The following CLGN variants were observed in gnomAD, a reference collection of about 807,000 sequenced individuals.
CLGN encodes the protein testis tissue sperm-binding protein Li 79P.
A neutral mutation model predicts 79.1 loss-of-function variants in CLGN; 62 were observed. That is an observed-to-expected ratio of 0.78 (90% CI 0.64 to 0.97). CLGN has a LOEUF of 0.97. CLGN is among the 50% of genes least tolerant of loss of function. The pLI, the probability that CLGN is intolerant of heterozygous loss-of-function variation, is 0.00. For synonymous variants in CLGN, 225 were observed against 224.7 expected (o/e 1.00, Z -0.01); for missense variants, 647 against 715.5 (o/e 0.90, Z 1.09).
At chr4:140,395,320 G>A (rs915753015) in intron 10 of CLGN, among the ~76,000 whole-genome samples, 1 of 151,842 alleles carries the variant, frequency 6.6e-6, no homozygotes, top group Admixed American at 6.6e-5. Flanking sequence ...CTAATTTTTT[G>A]TATTTTTAGT....
chr4:140,414,362 C>T (rs1250262154), intron 1 of CLGN, among the ~76,000 whole-genome samples: 9 of 151,350 alleles, frequency 5.9e-5, no homozygotes, highest in East Asian at 3.9e-4. Context: ...ATGACTTTGA[C>T]GAGCTGAGAG....
At position 140,388,802 on chromosome 4, in the gene CLGN, C is replaced by G. The variant is rs1728721362; in HGVS notation, c.*422G>C. ...CATACAGAAACTTTATTGCATTTAG[C>G]TCTTCACAACAGAACATATGCTCAT... On this transcript the variant is annotated 3_prime_UTR_variant, in exon 15 of 15. Coordinates refer to ENST00000325617, the MANE Select transcript of CLGN (RefSeq NM_004362.3). 1 of 155,902 alleles carries G rather than the reference C, an allele frequency of 6.4e-6. No homozygotes were observed. Among genetic ancestry groups the G allele is most frequent in the African/African-American group, 2.4e-5 (1 of 41,484 alleles). 9.7% of individuals were successfully genotyped at this position (155,902 alleles called of 1,614,324 possible). A position where few individuals can be genotyped will look rare whatever the true frequency, so the allele number is the denominator to read the frequency against.
At chr4:140,427,448 G>A (rs1729592214) in intron 1 of CLGN, 89 bp downstream of exon 1, 1 of 152,356 alleles carries the variant, frequency 6.6e-6, no homozygotes, top group African/African-American at 2.4e-5. Context: ...CGGGGTGCCT[G>A]GGGGAAGCAG....
intron 1 of CLGN, among the ~76,000 whole-genome samples, chr4:140,422,710 G>A (rs886425117): frequency 6.6e-6 from 1 of 152,106 alleles, no homozygotes; most frequent in Non-Finnish European, 1.5e-5. Flanking sequence ...TTGAACTCCT[G>A]GACTCAGGTG....
At chr4:140,409,431 A>G (rs1282134262) in intron 4 of CLGN, among the ~76,000 whole-genome samples, 1 of 152,064 alleles carries the variant, frequency 6.6e-6, no homozygotes, top group East Asian at 1.9e-4. Flanking sequence ...CATATCTTGT[A>G]GCTCTCATTA....
At chr4:140,419,815 A>C (rs1053398497) in intron 1 of CLGN, among the ~76,000 whole-genome samples, 1 of 152,180 alleles carries the variant, frequency 6.6e-6, no homozygotes, top group Non-Finnish European at 1.5e-5. Context: ...GATAGGAAGT[A>C]AATGTAAAGG....
chr4:140,405,972 A>C lies in CLGN; in HGVS notation c.389T>G (p.Phe130Cys). 1.9e-6 allele frequency: 3 copies of C among 1,612,306 alleles called. No homozygotes were observed. Among genetic ancestry groups the C allele is most frequent in the Non-Finnish European group, 2.5e-6 (3 of 1,179,484 alleles). Reference sequence around the variant, plus strand: ...TATCAAGGGTTTATCAGCAAAAATGAATGGTTTTGCTAATACAGCAGATAT... The same window carrying C: ...TATCAAGGGTTTATCAGCAAAAATGCATGGTTTTGCTAATACAGCAGATAT... Reference protein sequence around the residue: ...HAISAVLAKPFIFADKPLIVQ... With the variant: ...HAISAVLAKPCIFADKPLIVQ... Residue 130 changes from phenylalanine to cysteine, a missense_variant, in exon 5 of 15, where the codon TTC becomes TGC. By Grantham distance (205) the Phe-to-Cys change is radical (BLOSUM62 -2). Transcript: ENST00000325617.
At chr4:140,421,397 T>C (rs1399067886) in intron 1 of CLGN, among the ~76,000 whole-genome samples, 3 of 152,140 alleles carry the variant, frequency 2.0e-5, no homozygotes, top group Admixed American at 2.0e-4. Flanking sequence ...GGCTTTACCA[T>C]TTTACCTTCC....
At chr4:140,389,849 A>T (rs1438367182) in intron 14 of CLGN, among the ~76,000 whole-genome samples, 1 of 151,864 alleles carries the variant, frequency 6.6e-6, no homozygotes, top group African/African-American at 2.4e-5. Flanking sequence ...TTAAATAGAT[A>T]AAATACAAAA....
rs1298999042 is a variant in CLGN, at chr4:140,388,456, A to T, written c.*768T>A. The T allele has an allele frequency of 5.9e-5, 9 of 151,912 alleles. No homozygotes were observed. The highest frequency in any genetic ancestry group is 1.0e-4 in the Non-Finnish European group (7 of 67,816). 9.4% of individuals were successfully genotyped at this position (151,912 alleles called of 1,614,324 possible). On this transcript the variant is annotated 3_prime_UTR_variant, in exon 15 of 15. Transcript: ENST00000325617. The stretch of plus-strand genomic sequence containing the variant: ...TAATAACCTGTCAAATAGGGTATTC[A>T]GGATGAAAAAATATTTAAATTTTAT...
intron 2 of CLGN, among the ~76,000 whole-genome samples, chr4:140,412,413 A>T (rs1401619727): frequency 6.6e-6 from 1 of 152,092 alleles, no homozygotes; most frequent in Non-Finnish European, 1.5e-5. Flanking sequence ...AATTTCTCAG[A>T]CTCCTGTTAA....
intron 8 of CLGN, among the ~76,000 whole-genome samples, chr4:140,398,395 G>A (rs1375280764): frequency 2.0e-5 from 3 of 148,568 alleles, no homozygotes; most frequent in East Asian, 4.0e-4. Context: ...TCAGCCTCCC[G>A]AGTAGCTGGG....
intron 6 of CLGN, among the ~76,000 whole-genome samples, chr4:140,401,142 T>C (rs1321674048): frequency 6.6e-6 from 1 of 152,178 alleles, no homozygotes; most frequent in Admixed American, 6.5e-5. Context: ...TGCACCTCCA[T>C]TTCATCACCT....
In CLGN at chr4:140,394,085, C is replaced by T. The variant is rs779869380; in HGVS notation, c.1150-44G>A. ...AAGACATTTTCAAATAAAATAACTT[C>T]ATTATAAATGCTGCTTAATAAGTAG... On this transcript the variant is annotated intron_variant, in intron 10 of 14. Transcript: ENST00000325617. 9 of 1,389,924 alleles carry T rather than the reference C, an allele frequency of 6.5e-6. No homozygotes were observed. In the East Asian group the frequency reaches 1.8e-4, roughly 28 times the overall value. The allele number at this position is 1,389,924 out of a possible 1,614,324, so 86.1% of individuals were successfully genotyped here.
intron 7 of CLGN, 39 bp from the exon 8 acceptor site, chr4:140,399,079 G>T (rs1359129547): frequency 1.3e-6 from 2 of 1,498,476 alleles, no homozygotes; most frequent in Non-Finnish European, 1.8e-6. Flanking sequence ...TTATCATTTT[G>T]ATATACGCTT....
chr4:140,406,052 G>A lies in CLGN; in HGVS notation c.309C>T (p.Asn103=). 1 of 1,612,546 alleles carries A rather than the reference G, an allele frequency of 6.2e-7. No individual in the cohort carries two copies. Among genetic ancestry groups the A allele is most frequent in the Non-Finnish European group, 8.5e-7 (1 of 1,179,452 alleles). The change falls in exon 5 of 15, where the codon AAC becomes AAT. Residue 103 remains asparagine (N), a synonymous_variant. Transcript: ENST00000325617. ...GRWEIEELKE[N]QVPGDRGLVL... ...CCAGTCCTCTGTCACCAGGTACCTG[G>A]TTTTCTTTCAACTCTTCAATTTCCC... is the stretch of plus-strand genomic sequence containing the variant.
At position 140,388,876 on chromosome 4, in the gene CLGN, A is replaced by G. The variant is rs1319546891; in HGVS notation, c.*348T>C. 1.6e-5 allele frequency: 3 copies of G among 192,604 alleles called. No homozygotes were observed. Among genetic ancestry groups the G allele is most frequent in the African/African-American group, 2.3e-5 (1 of 42,726 alleles). 11.9% of individuals were successfully genotyped at this position (192,604 alleles called of 1,614,324 possible). ...TATTGTTGTATAGCCATTTAAGTGG[A>G]AATTCCAATAACTGATTTTTCCAAT... is the stretch of plus-strand genomic sequence containing the variant. On this transcript the variant is annotated 3_prime_UTR_variant, in exon 15 of 15. Coordinates refer to ENST00000325617, the MANE Select transcript of CLGN (RefSeq NM_004362.3).
chr4:140,396,203 T>C lies in CLGN; in HGVS notation c.887A>G (p.Asp296Gly), dbSNP rs756795984. 3 of 1,609,282 alleles carry C rather than the reference T, an allele frequency of 1.9e-6. No individual in the cohort carries two copies. The highest frequency in any genetic ancestry group is 1.3e-5 in the African/African-American group (1 of 74,814). Reference sequence around the variant, plus strand: ...TTCTATTTGGGCAGGTTCACTTTCATCCCTGTAAATACAACGTTTTATATT... The same window carrying C: ...TTCTATTTGGGCAGGTTCACTTTCACCCCTGTAAATACAACGTTTTATATT... ...DPSAVKPEDWDESEPAQIEDS... is the reference protein window; with the variant it reads ...DPSAVKPEDWGESEPAQIEDS... Residue 296 changes from aspartate (D) to glycine (G), a missense_variant and splice_region_variant, in exon 9 of 15, where the codon GAT (aspartate) becomes GGT (glycine). Physicochemically the swap from Asp to Gly is moderately conservative, Grantham distance 94. Coordinates refer to ENST00000325617, the MANE Select transcript of CLGN (RefSeq NM_004362.3).
chr4:140,412,646 C>A (rs1729234807), intron 2 of CLGN, among the ~76,000 whole-genome samples: 1 of 152,036 alleles, frequency 6.6e-6, no homozygotes, highest in Admixed American at 6.6e-5. Context: ...GAATAAAAAC[C>A]TTACTATTAG....
Sources: gnomAD v4.1 joint callset for allele counts (sites outside exome capture counted in the v4.1 genomes callset) on GRCh38, gnomAD v4.1.1 for gene constraint, MANE v1.5 for transcripts, NCBI Gene and HGNC (gene_info 2026-07-23, HGNC 2026-07-21) for gene names.